The following RFTN1 variants were observed in gnomAD, a reference collection of about 807,000 sequenced individuals.
The protein encoded by RFTN1 is raftlin, lipid raft linker 1.
In RFTN1, 26 loss-of-function variants were observed where a neutral mutation model predicts 46.5. The ratio of observed to expected loss-of-function variants is 0.56; its 90% CI spans 0.41 to 0.78. The LOEUF is 0.78. RFTN1 is among the 30% of genes least tolerant of loss of function. RFTN1 has a pLI of 0.00. For missense variants in RFTN1, 693 were observed against 718.7 expected (o/e 0.96, Z 0.41); for synonymous variants, 261 against 284.2 (o/e 0.92, Z 0.82).
rs558745630 is a variant in RFTN1 at position 16,434,248 on chromosome 3, G to C, written c.146-211C>G. Among the ~76,000 whole-genome samples, 37 of 152,322 alleles carry C rather than the reference G, an allele frequency of 2.4e-4. 1 individual carries two copies. The South Asian group carries it at 7.2e-3, about 30-fold the overall frequency. On this transcript the variant is annotated intron_variant, in intron 2 of 9. Coordinates refer to ENST00000334133, the MANE Select transcript of RFTN1 (RefSeq NM_015150.2). ...GCATTAATAATTGGATGTCGGCCAG[G>C]CGTGATGGCTCAGGCCTATAATCCC...
At chr3:16,490,180 T>G (rs770619146) in intron 2 of RFTN1, among the ~76,000 whole-genome samples, 1 of 152,162 alleles carries the variant, frequency 6.6e-6, no homozygotes, top group Non-Finnish European at 1.5e-5. Context: ...CAAGGCTTGG[T>G]CCTTGCCCTG....
Position 16,387,570 on chromosome 3 carries a change from T to TTCTCTCTCTCTCTCTCTCTCTCTC in RFTN1, c.442-9492_442-9469dup, listed in dbSNP as rs3054539. Reference sequence around the variant, plus strand: ...CACTTCTCTCTTCTATATCCTCAATTTCTCTCTCTCTCTCTCTCTCTCTCT... The same window carrying TTCTCTCTCTCTCTCTCTCTCTCTC: ...CACTTCTCTCTTCTATATCCTCAATTTCTCTCTCTCTCTCTCTCTCTCTCTCTCTCTCTCTCTCTCTCTCTCTCT... On this transcript the variant is annotated intron_variant, in intron 4 of 9. Coordinates refer to ENST00000334133, the MANE Select transcript of RFTN1 (RefSeq NM_015150.2). This position sits in a 1 kb window ranked among gnomAD's most constrained non-coding sequence, Gnocchi z 5.2. Among the ~76,000 whole-genome samples the TTCTCTCTCTCTCTCTCTCTCTCTC allele has an allele frequency of 1.7e-3, 199 of 116,472 alleles. 13 individuals carry two copies. Among genetic ancestry groups the TTCTCTCTCTCTCTCTCTCTCTCTC allele is most frequent in the African/African-American group, 4.8e-3 (124 of 25,600 alleles). 76.4% of individuals were successfully genotyped at this position (116,472 alleles called of 152,430 possible). A position where few individuals can be genotyped will look rare whatever the true frequency, so the allele number is the denominator to read the frequency against.
intron 2 of RFTN1, among the ~76,000 whole-genome samples, chr3:16,464,556 T>C (rs570994857): frequency 3.0e-4 from 46 of 152,342 alleles, no homozygotes; most frequent in African/African-American, 1.1e-3. Context: ...TCATAATTAG[T>C]TCCCCCCCAT....
Position 16,489,864 on chromosome 3 carries a change from C to A in RFTN1, c.145+3861G>T, listed in dbSNP as rs1336752842. Reference sequence around the variant, plus strand: ...CAGAGGTTGCAGTGAGCTGAGATCACAACATTGCACTCCAGCCTAGGTGAC... The same window carrying A: ...CAGAGGTTGCAGTGAGCTGAGATCAAAACATTGCACTCCAGCCTAGGTGAC... On this transcript the variant is annotated intron_variant, in intron 2 of 9. Transcript: ENST00000334133. The surrounding 1 kb of genome is among the most constrained non-coding windows in gnomAD (Gnocchi z 4.0). 6.6e-6 allele frequency among the ~76,000 whole-genome samples: 1 copy of A among 151,816 alleles called. No homozygotes were observed. Among genetic ancestry groups the A allele is most frequent in the African/African-American group, 2.4e-5 (1 of 41,304 alleles).
In RFTN1 at chr3:16,465,894, A is replaced by C. The variant is rs2076082300; in HGVS notation, c.145+27831T>G. Reference sequence around the variant, plus strand: ...AGTCATGCCCTTAAAAAAGAAACACAAACTCCTCTAAAAGTTGAGAAACAA... The same window carrying C: ...AGTCATGCCCTTAAAAAAGAAACACCAACTCCTCTAAAAGTTGAGAAACAA... On this transcript the variant is annotated intron_variant, in intron 2 of 9. Coordinates refer to ENST00000334133, the MANE Select transcript of RFTN1 (RefSeq NM_015150.2). This position sits in a 1 kb window ranked among gnomAD's most constrained non-coding sequence, Gnocchi z 5.1. 6.6e-6 allele frequency among the ~76,000 whole-genome samples: 1 copy of C among 152,194 alleles called. No individual in the cohort carries two copies. Among genetic ancestry groups the C allele is most frequent in the Non-Finnish European group, 1.5e-5 (1 of 68,038 alleles).
Position 16,320,981 on chromosome 3 carries a change from G to C in RFTN1, c.1332+2395C>G, listed in dbSNP as rs2068982882. Among the ~76,000 whole-genome samples, 1 of 152,226 alleles carries C rather than the reference G, an allele frequency of 6.6e-6. No homozygotes were observed. The highest frequency in any genetic ancestry group is 2.1e-4 in the South Asian group (1 of 4,832). On this transcript the variant is annotated intron_variant, in intron 9 of 9. Coordinates refer to ENST00000334133, the MANE Select transcript of RFTN1 (RefSeq NM_015150.2). The surrounding 1 kb of genome is among the most constrained non-coding windows in gnomAD (Gnocchi z 4.5). Reference sequence around the variant, plus strand: ...GGGGATATCTATTATTAGGAGATTAGAATAGCTGAGGCGAGTGATGGTAGA... The same window carrying C: ...GGGGATATCTATTATTAGGAGATTACAATAGCTGAGGCGAGTGATGGTAGA...
intron 7 of RFTN1, chr3:16,349,528 T>A (rs147710584): frequency 6.6e-6 from 1 of 152,384 alleles, no homozygotes; most frequent in East Asian, 1.9e-4. Context: ...GTATGTGAAC[T>A]ACGTATGTGC....
intron 7 of RFTN1, among the ~76,000 whole-genome samples, chr3:16,354,959 G>A (rs2072338754): frequency 6.6e-6 from 1 of 152,164 alleles, no homozygotes; most frequent in African/African-American, 2.4e-5. Flanking sequence ...TAATAAGGAT[G>A]GCCTTTCCTC....
In RFTN1 at chr3:16,425,087, A is replaced by G. The variant is rs2075264448; in HGVS notation, c.332+8764T>C. The stretch of plus-strand genomic sequence containing the variant: ...TCTGAGTTCCTATATTTAATATGAG[A>G]CAGACATATAAATAGAAAACTCCAA... On this transcript the variant is annotated intron_variant, in intron 3 of 9. Coordinates refer to ENST00000334133, the MANE Select transcript of RFTN1 (RefSeq NM_015150.2). This position sits in a 1 kb window ranked among gnomAD's most constrained non-coding sequence, Gnocchi z 4.3. Among the ~76,000 whole-genome samples, 1 of 152,250 alleles carries G rather than the reference A, an allele frequency of 6.6e-6. No individual in the cohort carries two copies. The highest frequency in any genetic ancestry group is 1.5e-5 in the Non-Finnish European group (1 of 68,050).
intron 2 of RFTN1, among the ~76,000 whole-genome samples, chr3:16,467,210 G>A (rs2076111425): frequency 6.6e-6 from 1 of 152,164 alleles, no homozygotes; most frequent in Non-Finnish European, 1.5e-5. Context: ...GAGAGATGCT[G>A]GAAAGAATAA....
chr3:16,368,456 G>C (rs2073338369), intron 6 of RFTN1, among the ~76,000 whole-genome samples: 1 of 152,336 alleles, frequency 6.6e-6, no homozygotes, highest in African/African-American at 2.4e-5. Flanking sequence ...TGGATCACGA[G>C]GTCAGGGAAC....
At chr3:16,488,210 C>T (rs1201880780) in intron 2 of RFTN1, among the ~76,000 whole-genome samples, 1 of 150,748 alleles carries the variant, frequency 6.6e-6, no homozygotes, top group Admixed American at 6.6e-5. Context: ...TCAAGCAATT[C>T]TGCCTCAGCG....
Position 16,320,504 on chromosome 3 carries a change from G to A in RFTN1, c.1332+2872C>T, listed in dbSNP as rs2068928275. Among the ~76,000 whole-genome samples, 1 of 152,186 alleles carries A rather than the reference G, an allele frequency of 6.6e-6. No individual in the cohort carries two copies. The highest frequency in any genetic ancestry group is 2.4e-5 in the African/African-American group (1 of 41,456). ...ATCTGGGTACACAACACAGGAAAAAGGTCTTTGCTCTTGTGGAGACTATGT... is the reference window on the plus strand; with the variant it reads ...ATCTGGGTACACAACACAGGAAAAAAGTCTTTGCTCTTGTGGAGACTATGT... On this transcript the variant is annotated intron_variant, in intron 9 of 9. Transcript: ENST00000334133. The surrounding 1 kb of genome is among the most constrained non-coding windows in gnomAD (Gnocchi z 4.5).
rs2125015679 is a variant in RFTN1, at chr3:16,509,080, G to A, written c.-9+4362C>T. Among the ~76,000 whole-genome samples the A allele has an allele frequency of 6.6e-6, 1 of 152,242 alleles. No individual in the cohort carries two copies. Among genetic ancestry groups the A allele is most frequent in the South Asian group, 2.1e-4 (1 of 4,822 alleles). The stretch of plus-strand genomic sequence containing the variant: ...ACAGTTCAGCTGGCAACGTCTTTCT[G>A]TTCCTTCAATAAAATTGTAATCCTA... On this transcript the variant is annotated intron_variant, in intron 1 of 9. Coordinates refer to ENST00000334133, the MANE Select transcript of RFTN1 (RefSeq NM_015150.2). This position sits in a 1 kb window ranked among gnomAD's most constrained non-coding sequence, Gnocchi z 4.9.
rs991108922 is a variant in RFTN1, at chr3:16,449,006, C to T, written c.146-14969G>A. Among the ~76,000 whole-genome samples, 1 of 152,192 alleles carries T rather than the reference C, an allele frequency of 6.6e-6. No homozygotes were observed. Among genetic ancestry groups the T allele is most frequent in the Admixed American group, 6.5e-5 (1 of 15,284 alleles). ...TATGCTCCAGAAAGGCAACATCTCC[C>T]TCACACACTTAATAAATGCATCCGT... On this transcript the variant is annotated intron_variant, in intron 2 of 9. Coordinates refer to ENST00000334133, the MANE Select transcript of RFTN1 (RefSeq NM_015150.2). The surrounding 1 kb of genome is among the most constrained non-coding windows in gnomAD (Gnocchi z 5.1).
intron 4 of RFTN1, among the ~76,000 whole-genome samples, chr3:16,408,251 C>T (rs1245857054): frequency 3.3e-5 from 5 of 152,170 alleles, no homozygotes; most frequent in African/African-American, 1.2e-4. Context: ...CGTCATCCTT[C>T]CCATCTCAGC....
Position 16,383,716 on chromosome 3 carries a change from A to G in RFTN1, c.442-5614T>C, listed in dbSNP as rs979128130. On this transcript the variant is annotated intron_variant, in intron 4 of 9. Coordinates refer to ENST00000334133, the MANE Select transcript of RFTN1 (RefSeq NM_015150.2). This position sits in a 1 kb window ranked among gnomAD's most constrained non-coding sequence, Gnocchi z 4.0. ...TATCAATCGGGGTGAGAAATCAGAA[A>G]GAAGTGAGACACAGGTTGGATTTCA... 1.3e-5 allele frequency among the ~76,000 whole-genome samples: 2 copies of G among 152,370 alleles called. No individual in the cohort carries two copies. The highest frequency in any genetic ancestry group is 4.8e-5 in the African/African-American group (2 of 41,592).
At position 16,499,889 on chromosome 3, in the gene RFTN1, C is replaced by G. The variant is rs559997715; in HGVS notation, c.-8-6012G>C. The stretch of plus-strand genomic sequence containing the variant: ...AGTTTTCACTTCTCTAGGGTAAATA[C>G]CTAAGAGTGGGGTTGTTGGGTTATA... On this transcript the variant is annotated intron_variant, in intron 1 of 9. Coordinates refer to ENST00000334133, the MANE Select transcript of RFTN1 (RefSeq NM_015150.2). This position sits in a 1 kb window ranked among gnomAD's most constrained non-coding sequence, Gnocchi z 4.9. Among the ~76,000 whole-genome samples the G allele has an allele frequency of 2.0e-5, 3 of 152,216 alleles. No homozygotes were observed. The East Asian group carries it at 5.8e-4, about 29-fold the overall frequency.
intron 3 of RFTN1, among the ~76,000 whole-genome samples, chr3:16,423,116 C>G (rs1257378245): frequency 2.0e-5 from 3 of 151,496 alleles, no homozygotes; most frequent in African/African-American, 7.3e-5. Flanking sequence ...TGCAGTGAAC[C>G]AAGATCACGC....
Sources: gnomAD v4.1 joint callset for allele counts (sites outside exome capture counted in the v4.1 genomes callset) on GRCh38, gnomAD v4.1.1 for gene constraint, Gnocchi (gnomAD v3.1) non-coding constraint, MANE v1.5 for transcripts, NCBI Gene and HGNC (gene_info 2026-07-23, HGNC 2026-07-21) for gene names.